PRSS48: variants seen among roughly 807,000 people sequenced by gnomAD.
PRSS48 encodes the protein serine protease 48.
In PRSS48, 21 loss-of-function variants were observed where a neutral mutation model predicts 25.6. That is an observed-to-expected ratio of 0.82 (90% CI 0.58 to 1.18). The LOEUF (loss-of-function observed/expected upper bound fraction) is 1.18, where lower values mean the gene tolerates loss of function less well. Among genes scored for constraint, PRSS48 ranks in the 50% most tolerant of loss-of-function variants. PRSS48 has a pLI of 0.00. For missense variants in PRSS48, 373 were observed against 399.3 expected, an observed-to-expected ratio of 0.93 and a Z score of 0.56; for synonymous variants, 150 against 149.3, an observed-to-expected ratio of 1.00 and a Z score of -0.04.
At chr4:151,283,052 G>C (rs1299409411) in intron 3 of PRSS48, 65 bp from the exon 4 acceptor site, 3 of 1,487,376 alleles carry the variant, frequency 2.0e-6, no homozygotes, top group East Asian at 4.5e-5. Context: ...TGCACATCAT[G>C]ACTGAATGCT....
chr4:151,289,689 G>C (rs1775139213), intron 4 of PRSS48, among the ~76,000 whole-genome samples: 1 of 152,150 alleles, frequency 6.6e-6, no homozygotes, highest in Non-Finnish European at 1.5e-5. Flanking sequence ...AAAACTGTTT[G>C]GCAGTTCCTC....
chr4:151,283,606 C>T (rs1003480359), intron 4 of PRSS48, among the ~76,000 whole-genome samples: 1 of 150,814 alleles, frequency 6.6e-6, no homozygotes, highest in African/African-American at 2.4e-5. Flanking sequence ...CAGCCTCCAG[C>T]TCCTGGGTTC....
chr4:151,282,452 T>A lies in PRSS48; in HGVS notation c.481+39T>A, dbSNP rs143028832. The A allele has an allele frequency of 4.6e-5, 74 of 1,606,514 alleles. No individual in the cohort carries two copies. In the African/African-American group the frequency reaches 9.2e-4, roughly 20 times the overall value. Reference sequence around the variant, plus strand: ...GAGAGAAGGGTTGTTTCATATGTCATCCTCTTGTACTCCAGAACATTCATA... The same window carrying A: ...GAGAGAAGGGTTGTTTCATATGTCAACCTCTTGTACTCCAGAACATTCATA... On this transcript the variant is annotated intron_variant, in intron 3 of 4. Coordinates refer to ENST00000455694, the Ensembl canonical transcript of PRSS48.
At chr4:151,277,824 T>C (rs1010999899) in intron 1 of PRSS48, among the ~76,000 whole-genome samples, 4 of 152,162 alleles carry the variant, frequency 2.6e-5, no homozygotes. Flanking sequence ...GCAGATCACC[T>C]GAGATCAGGA....
chr4:151,291,584 T>G (rs114872254), downstream of PRSS48: 30 of 628,602 alleles, frequency 4.8e-5, no homozygotes, highest in African/African-American at 4.9e-4. Flanking sequence ...CTGTCACTTC[T>G]GTACATTCTT....
At chr4:151,280,072 A>T in intron 2 of PRSS48, 114 bp downstream of exon 2, 1 of 1,264,692 alleles carries the variant, frequency 7.9e-7, no homozygotes. Flanking sequence ...GCGGAAGGAA[A>T]CCCAGGTCAT....
At chr4:151,286,299 A>C (rs1353193019) in intron 4 of PRSS48, among the ~76,000 whole-genome samples, 1 of 151,446 alleles carries the variant, frequency 6.6e-6, no homozygotes, top group Non-Finnish European at 1.5e-5. Context: ...AAATAAACAA[A>C]AGCAAAAGTT....
At chr4:151,285,183 G>A (rs1487016798) in intron 4 of PRSS48, among the ~76,000 whole-genome samples, 2 of 152,188 alleles carry the variant, frequency 1.3e-5, no homozygotes, top group Admixed American at 6.5e-5. Context: ...CCTTCAGAGA[G>A]TAGCCTTTTA....
At chr4:151,277,362 T>A in intron 1 of PRSS48, 138 bp downstream of exon 1, 1 of 525,352 alleles carries the variant, frequency 1.9e-6, no homozygotes, top group Non-Finnish European at 3.0e-6. Flanking sequence ...GAGAGGCTAC[T>A]ATATACCCAG....
intron 1 of PRSS48, among the ~76,000 whole-genome samples, 184 bp from the exon 2 acceptor site, chr4:151,279,612 C>T (rs374926327): frequency 5.3e-5 from 8 of 152,198 alleles, no homozygotes; most frequent in Admixed American, 4.6e-4. Flanking sequence ...GAGCTACAAT[C>T]AGGGGAGTGG....
At chr4:151,289,271 T>C (rs1011660806) in intron 4 of PRSS48, among the ~76,000 whole-genome samples, 3 of 152,158 alleles carry the variant, frequency 2.0e-5, no homozygotes, top group African/African-American at 4.8e-5. Flanking sequence ...AGCTAAACTA[T>C]AGCACCTTTA....
chr4:151,289,859 C>T (rs138060545), intron 4 of PRSS48, among the ~76,000 whole-genome samples: 16 of 152,306 alleles, frequency 1.1e-4, no homozygotes, highest in Non-Finnish European at 2.2e-4. Flanking sequence ...GCAGAAGGAT[C>T]GCTTCAGCCC....
chr4:151,281,170 T>C (rs115158219), intron 2 of PRSS48, among the ~76,000 whole-genome samples: 26 of 152,290 alleles, frequency 1.7e-4, no homozygotes, highest in African/African-American at 5.3e-4. Context: ...AAAAAAAAGA[T>C]AGTATTGATA....
At chr4:151,284,764 G>C (rs1774581203) in intron 4 of PRSS48, among the ~76,000 whole-genome samples, 1 of 152,286 alleles carries the variant, frequency 6.6e-6, no homozygotes, top group Non-Finnish European at 1.5e-5. Flanking sequence ...GTTTCAACGG[G>C]AAGTCAACTT....
intron 1 of PRSS48, 31 bp from the exon 2 acceptor site, chr4:151,279,765 T>C (rs1774004359): frequency 6.2e-7 from 1 of 1,609,766 alleles, no homozygotes; most frequent in Non-Finnish European, 8.5e-7. Context: ...ACTCCTAGGT[T>C]TCCACATTTC....
intron 1 of PRSS48, among the ~76,000 whole-genome samples, chr4:151,278,631 T>C (rs1773880785): frequency 6.6e-6 from 1 of 151,738 alleles, no homozygotes; most frequent in African/African-American, 2.4e-5. Context: ...TCTCACCACA[T>C]TTTTTTCCTT....
chr4:151,286,184 GA>G (rs56850648), intron 4 of PRSS48, among the ~76,000 whole-genome samples: 26,183 of 86,648 alleles, frequency 0.3, 2,417 homozygotes, highest in Non-Finnish European at 0.36. Flanking sequence ...CTGTCTTAAA[GA>G]AAAAAAAAAA....
intron 2 of PRSS48, 116 bp from the exon 3 acceptor site, chr4:151,282,032 G>C: frequency 9.7e-7 from 1 of 1,027,262 alleles, no homozygotes; most frequent in Non-Finnish European, 1.5e-6. Flanking sequence ...GAAGCACCAT[G>C]GTTAATTCCC....
At chr4:151,283,316 TA>T (rs1473259677) in intron 4 of PRSS48, 30 bp downstream of exon 4, 7 of 1,601,278 alleles carry the variant, frequency 4.4e-6, no homozygotes, top group Non-Finnish European at 6.0e-6. Flanking sequence ...AATTTTTTTT[TA>T]AACATGAGAT....
Sources: gnomAD v4.1 joint callset for allele counts (sites outside exome capture counted in the v4.1 genomes callset) on GRCh38, gnomAD v4.1.1 for gene constraint, MANE v1.5 for transcripts, NCBI Gene and HGNC (gene_info 2026-07-23, HGNC 2026-07-21) for gene names.